The following CALCOCO1 variants were observed in gnomAD, a reference collection of about 807,000 sequenced individuals.
CALCOCO1 encodes calcium binding and coiled-coil domain 1.
Under a neutral mutation model 86.3 loss-of-function variants are expected in CALCOCO1, and 44 were observed. The ratio of observed to expected loss-of-function variants is 0.51; its 90% CI spans 0.40 to 0.66. CALCOCO1 has a LOEUF of 0.66. CALCOCO1 is among the 30% of genes least tolerant of loss of function. The pLI, the probability that CALCOCO1 is intolerant of heterozygous loss-of-function variation, is 0.00. For synonymous variants in CALCOCO1, 297 were observed against 327.6 expected, an observed-to-expected ratio of 0.91 and a Z score of 1.01; for missense variants, 708 against 851.1, an observed-to-expected ratio of 0.83 and a Z score of 2.09.
Position 53,722,097 on chromosome 12 carries a change from G to C in CALCOCO1, c.537C>G (p.Ser179Arg), listed in dbSNP as rs779317856. Reference sequence around the variant, plus strand: ...GAGCCCTCTCGAGCTCCTGCACTCGGCTCCTCAGCTCTGTCACCTGTCCCT... The same window carrying C: ...GAGCCCTCTCGAGCTCCTGCACTCGCCTCCTCAGCTCTGTCACCTGTCCCT... ...QLEGQVTELR[S>R]RVQELERALA... Residue 179 changes from serine (S) to arginine (R), a missense_variant, in exon 5 of 15, where the codon AGC becomes AGG. Physicochemically the swap from Ser to Arg is moderately radical, Grantham distance 110. Transcript: ENST00000550804. 1 of 1,613,804 alleles carries C rather than the reference G, an allele frequency of 6.2e-7. No individual in the cohort carries two copies. The highest frequency in any genetic ancestry group is 8.5e-7 in the Non-Finnish European group (1 of 1,180,020).
rs1340680628 is a variant in CALCOCO1 at position 53,708,601 on chromosome 12, G to A, written c.*3343C>T. ...TATTATTCATTACATATATTATTTTGTATGTATAAAACATTTCATTAAAAT... is the reference window on the plus strand; with the variant it reads ...TATTATTCATTACATATATTATTTTATATGTATAAAACATTTCATTAAAAT... On this transcript the variant is annotated 3_prime_UTR_variant, in exon 15 of 15. Coordinates refer to ENST00000550804, the MANE Select transcript of CALCOCO1 (RefSeq NM_020898.3). 1 of 151,938 alleles carries A rather than the reference G, an allele frequency of 6.6e-6. No individual in the cohort carries two copies. The highest frequency in any genetic ancestry group is 2.4e-5 in the African/African-American group (1 of 41,330). The allele number at this position is 151,938 out of a possible 1,614,324, so 9.4% of individuals were successfully genotyped here. A position where few individuals can be genotyped will look rare whatever the true frequency, so the allele number is the denominator to read the frequency against.
chr12:53,719,911 T>C lies in CALCOCO1; in HGVS notation c.759-82A>G, dbSNP rs1005947143. 1.7e-5 allele frequency: 15 copies of C among 898,372 alleles called. No individual in the cohort carries two copies. The African/African-American group carries it at 2.0e-4, about 12-fold the overall frequency. The allele number at this position is 898,372 out of a possible 1,614,324, so 55.7% of individuals were successfully genotyped here. ...CTCAGGCCTCTGTCTTGTGCTCTGC[T>C]GCTGCTGCTCTAGGCCCAGAGCTCC... is the stretch of plus-strand genomic sequence containing the variant. On this transcript the variant is annotated intron_variant, in intron 6 of 14. Transcript: ENST00000550804.
intron 9 of CALCOCO1, chr12:53,715,526 G>T: frequency 1.4e-6 from 1 of 738,894 alleles, no homozygotes; most frequent in Non-Finnish European, 2.2e-6. Flanking sequence ...GATCAGGAAT[G>T]GGCATTATGG....
At chr12:53,721,749 A>G in intron 5 of CALCOCO1, 134 bp from the exon 6 acceptor site, 1 of 1,128,296 alleles carries the variant, frequency 8.9e-7, no homozygotes. Flanking sequence ...CTTGAAAAAG[A>G]AACTGTAAGG....
chr12:53,719,732 C>T lies in CALCOCO1; in HGVS notation c.849+7G>A, dbSNP rs1388678117. On this transcript the variant is annotated splice_region_variant and intron_variant, in intron 7 of 14. Transcript: ENST00000550804. ...TGGAGAAAGCAAATCAACTCTGAGC[C>T]CCTTACCTCACTTTGCTCCTTGTCT... The T allele has an allele frequency of 6.2e-7, 1 of 1,605,952 alleles. No homozygotes were observed. Among genetic ancestry groups the T allele is most frequent in the Non-Finnish European group, 8.5e-7 (1 of 1,173,274 alleles).
intron 5 of CALCOCO1, 60 bp from the exon 6 acceptor site, chr12:53,721,675 A>G: frequency 6.2e-7 from 1 of 1,602,760 alleles, no homozygotes; most frequent in Non-Finnish European, 8.5e-7. Flanking sequence ...CAAGTGGTGG[A>G]ACAAAGGCTT....
At chr12:53,713,326 A>G (rs1945627520) in intron 13 of CALCOCO1, 120 bp from the exon 14 acceptor site, 2 of 780,932 alleles carry the variant, frequency 2.6e-6, no homozygotes, top group Admixed American at 4.1e-5. Flanking sequence ...GGGGCTTAGG[A>G]AGAGTGAGGC....
At chr12:53,723,185 T>C (rs1370201056) in intron 4 of CALCOCO1, among the ~76,000 whole-genome samples, 2 of 152,222 alleles carry the variant, frequency 1.3e-5, no homozygotes, top group Non-Finnish European at 2.9e-5. Context: ...GCCTTTGGTA[T>C]TGGACAGTAC....
At chr12:53,717,724 A>G (rs1248737023) in intron 7 of CALCOCO1, among the ~76,000 whole-genome samples, 1 of 152,220 alleles carries the variant, frequency 6.6e-6, no homozygotes, top group African/African-American at 2.4e-5. Flanking sequence ...ATGTTAAAAA[A>G]AGAAAAACAA....
At chr12:53,721,132 G>A (rs1312830010) in intron 6 of CALCOCO1, among the ~76,000 whole-genome samples, 4 of 152,086 alleles carry the variant, frequency 2.6e-5, no homozygotes, top group Non-Finnish European at 5.9e-5. Flanking sequence ...TATCTTTCCT[G>A]TGGCCACATC....
Position 53,712,008 on chromosome 12 carries a change from G to A in CALCOCO1, c.2012C>T (p.Ala671Val), listed in dbSNP as rs745706686. 3 of 1,609,612 alleles carry A rather than the reference G, an allele frequency of 1.9e-6. No homozygotes were observed. Among genetic ancestry groups the A allele is most frequent in the Non-Finnish European group, 2.5e-6 (3 of 1,178,072 alleles). ...GTGTCCATCCATGTGGTCCTCCAGG[G>A]CATCCTTGTCACTCTCAGCAGGAAA... Reference protein sequence around the residue: ...ERFPAESDKDALEDHMDGHFF... With the variant: ...ERFPAESDKDVLEDHMDGHFF... Residue 671 changes from alanine (A) to valine (V), a missense_variant, in exon 15 of 15, where the codon GCC becomes GTC. Physicochemically the swap from Ala to Val is moderately conservative, Grantham distance 64 (BLOSUM62 0). Coordinates refer to ENST00000550804, the MANE Select transcript of CALCOCO1 (RefSeq NM_020898.3).
intron 8 of CALCOCO1, 68 bp from the exon 9 acceptor site, chr12:53,716,115 G>A (rs1945718584): frequency 5.7e-6 from 9 of 1,585,324 alleles, no homozygotes; most frequent in South Asian, 1.1e-5. Flanking sequence ...GGAGGTAAAC[G>A]CTCCCTCCAC....
Position 53,709,350 on chromosome 12 carries a change from G to A in CALCOCO1, c.*2594C>T, listed in dbSNP as rs1012004469. ...CCCTTCCTTGAGCCCCCTCTGTGTC[G>A]GGGACCATGCTTTGGATACTGGGAT... On this transcript the variant is annotated 3_prime_UTR_variant, in exon 15 of 15. Coordinates refer to ENST00000550804, the MANE Select transcript of CALCOCO1 (RefSeq NM_020898.3). The A allele has an allele frequency of 1.3e-5, 2 of 152,236 alleles. No individual in the cohort carries two copies. Among genetic ancestry groups the A allele is most frequent in the Non-Finnish European group, 2.9e-5 (2 of 68,058 alleles). The allele number at this position is 152,236 out of a possible 1,614,324, so 9.4% of individuals were successfully genotyped here. A position where few individuals can be genotyped will look rare whatever the true frequency, so the allele number is the denominator to read the frequency against.
rs1382139322 is a variant in CALCOCO1 at position 53,716,393 on chromosome 12, T to A, written c.872A>T (p.Gln291Leu). ...GTCCAAATTTAAGTGATGGTTCTCCTGTTGTGCCACTTGGAGCTCAGCCTG... is the reference window on the plus strand; with the variant it reads ...GTCCAAATTTAAGTGATGGTTCTCCAGTTGTGCCACTTGGAGCTCAGCCTG... Reference protein sequence around the residue: ...QSEAELQVAQQENHHLNLDLK... With the variant: ...QSEAELQVAQLENHHLNLDLK... Residue 291 changes from glutamine (Q) to leucine (L), a missense_variant, in exon 8 of 15, where the codon CAG becomes CTG. Physicochemically the swap from Gln to Leu is moderately radical, Grantham distance 113 (BLOSUM62 -2). Transcript: ENST00000550804. The A allele has an allele frequency of 1.4e-5, 22 of 1,614,184 alleles. No individual in the cohort carries two copies. The highest frequency in any genetic ancestry group is 1.9e-5 in the Non-Finnish European group (22 of 1,180,036).
rs1178279116 is a variant in CALCOCO1, at chr12:53,711,746, C to G, written c.*198G>C. 6.2e-6 allele frequency: 3 copies of G among 483,838 alleles called. No homozygotes were observed. In the East Asian group the frequency reaches 1.1e-4, roughly 18 times the overall value. The allele number at this position is 483,838 out of a possible 1,614,324, so 30.0% of individuals were successfully genotyped here. ...CACTGCTTCCGAACAGGACCCCTCCCTGGGACAAAAGAGCCAGGTAGGAGA... is the reference window on the plus strand; with the variant it reads ...CACTGCTTCCGAACAGGACCCCTCCGTGGGACAAAAGAGCCAGGTAGGAGA... On this transcript the variant is annotated 3_prime_UTR_variant, in exon 15 of 15. Coordinates refer to ENST00000550804, the MANE Select transcript of CALCOCO1 (RefSeq NM_020898.3).
At chr12:53,712,695 G>T in intron 14 of CALCOCO1, 1 of 754,244 alleles carries the variant, frequency 1.3e-6, no homozygotes, top group Middle Eastern at 4.0e-4. Flanking sequence ...GATGGATGCT[G>T]GATCCCAGTC....
chr12:53,724,843 G>A (rs887882023), intron 2 of CALCOCO1, 96 bp from the exon 3 acceptor site: 1 of 974,644 alleles, frequency 1.0e-6, no homozygotes, highest in African/African-American at 1.6e-5. Flanking sequence ...GGGCAGGATG[G>A]AGCTACAGTG....
chr12:53,718,840 C>CTTT (rs35114054), intron 7 of CALCOCO1, among the ~76,000 whole-genome samples: 50 of 75,624 alleles, frequency 6.6e-4, no homozygotes, highest in African/African-American at 1.2e-3. Flanking sequence ...ATGGCCCTCC[C>CTTT]TTTTTTTTTT....
chr12:53,715,219 C>A lies in CALCOCO1; in HGVS notation c.1367G>T (p.Arg456Leu), dbSNP rs551055435. 1 of 1,614,084 alleles carries A rather than the reference C, an allele frequency of 6.2e-7. No individual in the cohort carries two copies. The highest frequency in any genetic ancestry group is 1.6e-4 in the Middle Eastern group (1 of 6,062). ...CCTCACCAGGCTAGAATCCTTCTCC[C>A]GGGCCAGCTCAGTCTTGAACACTTG... ...QNQVFKTELA[R>L]EKDSSLVQLS... Residue 456 changes from arginine to leucine, a missense_variant, in exon 10 of 15, where the codon CGG (arginine) becomes CTG (leucine). Arg to Leu is a moderately radical substitution (Grantham distance 102). Coordinates refer to ENST00000550804, the MANE Select transcript of CALCOCO1 (RefSeq NM_020898.3).
Sources: allele counts gnomAD v4.1 joint callset (sites outside exome capture counted in the v4.1 genomes callset), GRCh38; gene constraint gnomAD v4.1.1; transcripts MANE v1.5; gene names NCBI Gene and HGNC (gene_info 2026-07-23, HGNC 2026-07-21).